Variants in CACNA1C observed in about 807,000 individuals in gnomAD.
CACNA1C encodes calcium voltage-gated channel subunit alpha1 C.
Under a neutral mutation model 229.0 loss-of-function variants are expected in CACNA1C, and 30 were observed. That is an observed-to-expected ratio of 0.13 (90% CI 0.10 to 0.18). The LOEUF is 0.18. Among genes scored for constraint, CACNA1C ranks in the 10% least tolerant of loss-of-function variants. The pLI is 1.00. For synonymous variants in CACNA1C, 1,114 were observed against 1,132.5 expected, an observed-to-expected ratio of 0.98 and a Z score of 0.33; for missense variants, 1,658 against 2,845.0, an observed-to-expected ratio of 0.58 and a Z score of 9.49.
intron 1 of CACNA1C, among the ~76,000 whole-genome samples, chr12:1,996,556 T>C (rs569412448): frequency 3.6e-5 from 5 of 140,636 alleles, no homozygotes; most frequent in East Asian, 4.2e-4. Context: ...CTGGGACACC[T>C]TGGAAAGGGA....
At chr12:2,516,649 A>G (rs1229137073) in intron 9 of CACNA1C, among the ~76,000 whole-genome samples, 1 of 152,170 alleles carries the variant, frequency 6.6e-6, no homozygotes, top group Admixed American at 6.5e-5. Flanking sequence ...TTTCCAAGGC[A>G]ATTGTCCTAA....
At chr12:2,308,937 C>T (rs2095261231) in intron 3 of CACNA1C, among the ~76,000 whole-genome samples, 1 of 151,996 alleles carries the variant, frequency 6.6e-6, no homozygotes. Context: ...CATGGAGGCT[C>T]CTCAAAAAAA....
At chr12:2,469,107 A>G (rs755364630) in intron 5 of CACNA1C, among the ~76,000 whole-genome samples, 1 of 152,206 alleles carries the variant, frequency 6.6e-6, no homozygotes, top group Non-Finnish European at 1.5e-5. Context: ...TATGTGGTGT[A>G]TGACCCCAAG....
chr12:2,375,912 A>G (rs2098043860), intron 3 of CACNA1C, among the ~76,000 whole-genome samples: 1 of 152,166 alleles, frequency 6.6e-6, no homozygotes, highest in Non-Finnish European at 1.5e-5. Flanking sequence ...CTGGGATGAA[A>G]CCAGTCAGGA....
chr12:2,449,442 C>T (rs2099333769), intron 4 of CACNA1C, among the ~76,000 whole-genome samples: 1 of 152,218 alleles, frequency 6.6e-6, no homozygotes, highest in Non-Finnish European at 1.5e-5. Flanking sequence ...GTGTGCACTC[C>T]TCCCAGTGCG....
At chr12:2,582,741 G>T in intron 14 of CACNA1C, 81 bp from the exon 15 acceptor site, 1 of 1,497,286 alleles carries the variant, frequency 6.7e-7, no homozygotes, top group Non-Finnish European at 9.2e-7. Flanking sequence ...TTTTGTTGAC[G>T]TAGTGGGGCA....
chr12:2,239,197 A>G (rs1265045286), intron 3 of CACNA1C, among the ~76,000 whole-genome samples: 2 of 152,162 alleles, frequency 1.3e-5, no homozygotes, highest in African/African-American at 2.4e-5. Flanking sequence ...TAGAGTGGGT[A>G]CCAAAACAGC....
At chr12:2,077,543 C>T (rs2063675012) in intron 1 of CACNA1C, among the ~76,000 whole-genome samples, 1 of 152,036 alleles carries the variant, frequency 6.6e-6, no homozygotes, top group Non-Finnish European at 1.5e-5. Flanking sequence ...TAACTTAATT[C>T]TCACAACAAC....
chr12:2,347,822 T>G (rs2097090667), intron 3 of CACNA1C, among the ~76,000 whole-genome samples: 1 of 152,198 alleles, frequency 6.6e-6, no homozygotes, highest in African/African-American at 2.4e-5. Flanking sequence ...GGAGGACACA[T>G]CCCCACATTG....
chr12:2,488,131 A>G lies in CACNA1C; in HGVS notation c.916+1869A>G, dbSNP rs1047302573. On this transcript the variant is annotated intron_variant, in intron 6 of 46. Transcript: ENST00000399655. The surrounding 1 kb of genome is among the most constrained non-coding windows in gnomAD (Gnocchi z 4.0). Reference sequence around the variant, plus strand: ...GCCAAAGATGGCGGCCCTGCTGTGCAATCAGAGGTCTGTGCACCACAGAGT... The same window carrying G: ...GCCAAAGATGGCGGCCCTGCTGTGCGATCAGAGGTCTGTGCACCACAGAGT... 6.6e-6 allele frequency among the ~76,000 whole-genome samples: 1 copy of G among 152,220 alleles called. No individual in the cohort carries two copies. The highest frequency in any genetic ancestry group is 2.4e-5 in the African/African-American group (1 of 41,456).
intron 18 of CACNA1C, among the ~76,000 whole-genome samples, chr12:2,589,708 G>C (rs563495304): frequency 6.9e-6 from 1 of 145,268 alleles, no homozygotes; most frequent in Non-Finnish European, 1.6e-5. Context: ...TCTGAGCGGT[G>C]TGAATAAAGA....
At position 2,602,131 on chromosome 12, in the gene CACNA1C, A is replaced by G. The variant is rs535425268; in HGVS notation, c.2960+171A>G. On this transcript the variant is annotated intron_variant, in intron 22 of 46. Transcript: ENST00000399655. This position sits in a 1 kb window ranked among gnomAD's most constrained non-coding sequence, Gnocchi z 4.4. ...TTTGGGTTCTTGGTTCTGTGTCCTC[A>G]GTGGTCTGATACTTGGGGCACGTTG... 1.3e-3 allele frequency among the ~76,000 whole-genome samples: 196 copies of G among 152,272 alleles called. No individual in the cohort carries two copies. Among genetic ancestry groups the G allele is most frequent in the African/African-American group, 4.4e-3 (181 of 41,548 alleles).
Position 2,403,108 on chromosome 12 carries a change from G to T in CACNA1C, c.478-45868G>T, listed in dbSNP as rs2098698049. On this transcript the variant is annotated intron_variant, in intron 3 of 46. Coordinates refer to ENST00000399655, the MANE Select transcript of CACNA1C (RefSeq NM_000719.7). This position sits in a 1 kb window ranked among gnomAD's most constrained non-coding sequence, Gnocchi z 4.1. ...GCAGCAGCACACAGATACGGGGCTA[G>T]GACGTAGGCCTGGAGTGATGAGGGT... 6.6e-6 allele frequency among the ~76,000 whole-genome samples: 1 copy of T among 152,202 alleles called. No homozygotes were observed. Among genetic ancestry groups the T allele is most frequent in the Non-Finnish European group, 1.5e-5 (1 of 68,038 alleles).
At chr12:2,424,338 G>A (rs994899) in intron 3 of CACNA1C, among the ~76,000 whole-genome samples, 1 of 152,020 alleles carries the variant, frequency 6.6e-6, no homozygotes, top group East Asian at 1.9e-4. Context: ...AAAAGCAAGC[G>A]GGGAGAGGAA....
intron 3 of CACNA1C, among the ~76,000 whole-genome samples, chr12:2,274,956 A>T (rs1176088853): frequency 6.6e-6 from 1 of 152,010 alleles, no homozygotes; most frequent in Non-Finnish European, 1.5e-5. Context: ...TGGTGGCAGC[A>T]CTCCCAGCCT....
intron 3 of CACNA1C, among the ~76,000 whole-genome samples, chr12:2,256,742 A>C (rs115124024): frequency 0.067 from 10,204 of 152,046 alleles, 499 homozygotes; most frequent in African/African-American, 0.13. Flanking sequence ...TCAGTTGTAA[A>C]CTCCTAAAGA....
chr12:1,976,619 C>T (rs922645128), intron 1 of CACNA1C, among the ~76,000 whole-genome samples: 5 of 152,204 alleles, frequency 3.3e-5, no homozygotes, highest in Admixed American at 3.3e-4. Flanking sequence ...CCTGCAAATA[C>T]TAAGTTTTTG....
chr12:2,084,772 C>T (rs2066944396), intron 1 of CACNA1C, among the ~76,000 whole-genome samples: 1 of 152,178 alleles, frequency 6.6e-6, no homozygotes, highest in Non-Finnish European at 1.5e-5. Context: ...GAGTCGTAGC[C>T]TACTAAAATC....
At chr12:2,635,115 C>T (rs1013367459) in intron 30 of CACNA1C, among the ~76,000 whole-genome samples, 1 of 152,100 alleles carries the variant, frequency 6.6e-6, no homozygotes, top group Admixed American at 6.5e-5. Flanking sequence ...GCTGTGGAAG[C>T]AGGCCCCATG....
Sources: allele counts gnomAD v4.1 joint callset (sites outside exome capture counted in the v4.1 genomes callset), GRCh38; gene constraint gnomAD v4.1.1; non-coding constraint Gnocchi (gnomAD v3.1); transcripts MANE v1.5; gene names NCBI Gene and HGNC (gene_info 2026-07-23, HGNC 2026-07-21).